The following WDR41 variants were observed in gnomAD, a reference collection of about 807,000 sequenced individuals.
WDR41 encodes WD repeat domain 41, also known as WD repeat-containing protein 41.
In WDR41, 63 loss-of-function variants were observed where a neutral mutation model predicts 69.3. The observed-to-expected ratio is 0.91, with a 90% CI of 0.74 to 1.12. The LOEUF (loss-of-function observed/expected upper bound fraction) is 1.12. Ranked by LOEUF, WDR41 falls within the 50% of genes most tolerant of loss-of-function variation. The pLI is 0.00. For missense variants in WDR41, 543 were observed against 534.5 expected, an observed-to-expected ratio of 1.02 and a Z score of -0.16; for synonymous variants, 185 against 192.1, an observed-to-expected ratio of 0.96 and a Z score of 0.31.
intron 1 of WDR41, among the ~76,000 whole-genome samples, chr5:77,509,496 A>T (rs1368653406): frequency 1.3e-5 from 2 of 152,260 alleles, no homozygotes; most frequent in East Asian, 3.8e-4. Context: ...TTGTATAACC[A>T]TACAGTAGAA....
chr5:77,538,482 T>A (rs1421337212), intron 1 of WDR41, among the ~76,000 whole-genome samples: 1 of 152,138 alleles, frequency 6.6e-6, no homozygotes, highest in East Asian at 1.9e-4. Context: ...TATTCCCCAG[T>A]GTCTATTGTT....
intron 1 of WDR41, among the ~76,000 whole-genome samples, chr5:77,520,565 C>T (rs919592226): frequency 1.3e-5 from 2 of 152,186 alleles, no homozygotes; most frequent in African/African-American, 4.8e-5. Context: ...ATGACCATCT[C>T]TATCACCAAA....
intron 1 of WDR41, chr5:77,582,671 G>A (rs1743960821): frequency 2.5e-6 from 4 of 1,601,006 alleles, no homozygotes; most frequent in Non-Finnish European, 3.4e-6. Flanking sequence ...AGAGGTATCA[G>A]TGCTGTGAGC....
intron 1 of WDR41, among the ~76,000 whole-genome samples, chr5:77,576,817 G>T (rs1009148008): frequency 1.3e-5 from 2 of 151,944 alleles, no homozygotes; most frequent in Non-Finnish European, 2.9e-5. Flanking sequence ...CCTGATTTTT[G>T]GTTAATAACG....
intron 1 of WDR41, among the ~76,000 whole-genome samples, chr5:77,586,315 TA>T (rs1475710229): frequency 1.3e-5 from 2 of 152,036 alleles, no homozygotes; most frequent in Non-Finnish European, 2.9e-5. Context: ...TTTATTTATT[TA>T]TTTATTTTGA....
At chr5:77,474,533 G>C (rs463655) in intron 2 of WDR41, among the ~76,000 whole-genome samples, 95,373 of 151,940 alleles carry the variant, frequency 0.63, 31,493 homozygotes, top group African/African-American at 0.83. Context: ...ACTTGTAAAG[G>C]AGTTGAAGGA....
chr5:77,489,578 A>AT lies in WDR41; in HGVS notation c.52-7dup, dbSNP rs375961615. The AT allele has an allele frequency of 9.7e-6, 12 of 1,237,608 alleles. No individual in the cohort carries two copies. The highest frequency in any genetic ancestry group is 1.3e-5 in the South Asian group (1 of 76,082). The allele number at this position is 1,237,608 out of a possible 1,614,324, so 76.7% of individuals were successfully genotyped here. On this transcript the variant is annotated splice_region_variant and splice_polypyrimidine_tract_variant and intron_variant, in intron 1 of 12. Transcript: ENST00000296679. ...ATTGTCTGTAAAGGAGATTTCTTGT[A>AT]TTGAAAAAAAAAAAAAAGCAAAAAA... is the stretch of plus-strand genomic sequence containing the variant.
chr5:77,615,738 A>G (rs1226785705), intron 1 of WDR41, among the ~76,000 whole-genome samples: 1 of 150,760 alleles, frequency 6.6e-6, no homozygotes, highest in Non-Finnish European at 1.5e-5. Context: ...GCCTCCTGTA[A>G]TCCCAGCACT....
rs1211690715 is a variant in WDR41 at position 77,431,555 on chromosome 5, C to T, written c.*1580G>A. 1 of 152,078 alleles carries T rather than the reference C, an allele frequency of 6.6e-6. No individual in the cohort carries two copies. Among genetic ancestry groups the T allele is most frequent in the Non-Finnish European group, 1.5e-5 (1 of 68,030 alleles). 9.4% of individuals were successfully genotyped at this position (152,078 alleles called of 1,614,324 possible). On this transcript the variant is annotated 3_prime_UTR_variant, in exon 13 of 13. Coordinates refer to ENST00000296679, the MANE Select transcript of WDR41 (RefSeq NM_018268.4). ...TCTCTGAGGTACGCCTGTATAATGA[C>T]CAGAAGGAATTTGCTGTGGTACTTA... is the stretch of plus-strand genomic sequence containing the variant.
At chr5:77,476,469 G>A (rs1269520826) in intron 2 of WDR41, among the ~76,000 whole-genome samples, 1 of 152,160 alleles carries the variant, frequency 6.6e-6, no homozygotes, top group Non-Finnish European at 1.5e-5. Flanking sequence ...ACTCACAGCG[G>A]ATCTCCTGGC....
intron 2 of WDR41, among the ~76,000 whole-genome samples, chr5:77,488,061 ATAGTGCTTTCC>A (rs1170377160): frequency 6.6e-6 from 1 of 152,176 alleles, no homozygotes; most frequent in Non-Finnish European, 1.5e-5. Context: ...AATCCTGTGT[ATAGTGCTTTCC>A]TCAGTTCTGT....
chr5:77,522,417 G>A (rs181454181), intron 1 of WDR41, among the ~76,000 whole-genome samples: 53 of 152,260 alleles, frequency 3.5e-4, no homozygotes, highest in African/African-American at 1.1e-3. Flanking sequence ...CAAGGCAGGC[G>A]GATCACAAGG....
At chr5:77,579,077 A>T (rs2112287198) in intron 1 of WDR41, among the ~76,000 whole-genome samples, 1 of 152,198 alleles carries the variant, frequency 6.6e-6, no homozygotes, top group African/African-American at 2.4e-5. Flanking sequence ...CTTGAAGGTA[A>T]ATCAACTGAG....
In WDR41 at chr5:77,453,929, C is replaced by A. The variant is rs1221951700; in HGVS notation, c.412-1G>T. On this transcript the variant is annotated splice_acceptor_variant, in intron 5 of 12. Transcript: ENST00000296679. LOFTEE classifies it high-confidence loss of function. ...CTAGTCTCTGAAGAACAGTTAAACA[C>A]TGCAAAATTTATTTGAAATGTATAT... 1 of 1,610,522 alleles carries A rather than the reference C, an allele frequency of 6.2e-7. No homozygotes were observed. Among genetic ancestry groups the A allele is most frequent in the Non-Finnish European group, 8.5e-7 (1 of 1,176,856 alleles).
chr5:77,436,704 A>G (rs1798948184), intron 11 of WDR41, among the ~76,000 whole-genome samples: 1 of 152,200 alleles, frequency 6.6e-6, no homozygotes, highest in Non-Finnish European at 1.5e-5. Context: ...TCAAGGGAAA[A>G]AAGGGCAAAA....
chr5:77,579,173 C>T (rs1407858096), intron 1 of WDR41, among the ~76,000 whole-genome samples: 1 of 151,762 alleles, frequency 6.6e-6, no homozygotes, highest in African/African-American at 2.4e-5. Context: ...CTAAGCTTGC[C>T]CAACATGTGT....
chr5:77,612,338 C>CA lies in WDR41; in HGVS notation c.42+8140dup, dbSNP rs570846587. ...ACCCAAAACCAGGCAGAGACACAACCAAAAAAGAGAATTTTAGACCAATAT... is the reference window on the plus strand; with the variant it reads ...ACCCAAAACCAGGCAGAGACACAACCAAAAAAAGAGAATTTTAGACCAATAT... On this transcript the variant is annotated intron_variant, in intron 1 of 5. Coordinates refer to the WDR41 transcript ENST00000509971. 4.8e-3 allele frequency among the ~76,000 whole-genome samples: 724 copies of CA among 151,986 alleles called. 10 individuals carry two copies. The highest frequency in any genetic ancestry group is 0.017 in the African/African-American group (692 of 41,446).
chr5:77,440,074 C>T (rs773772245), intron 9 of WDR41, among the ~76,000 whole-genome samples: 31 of 152,230 alleles, frequency 2.0e-4, no homozygotes, highest in South Asian at 4.2e-4. Context: ...CACTACATAA[C>T]ACTACTACTG....
rs1322746462 is a variant in WDR41 at position 77,489,322 on chromosome 5, T to C, written c.167+135A>G. On this transcript the variant is annotated intron_variant, in intron 2 of 12. Transcript: ENST00000296679. ...ATCGAGATGCAGAGGCCAATTTCAATTTCTACTAAATGTTACTAATGATCA... is the reference window on the plus strand; with the variant it reads ...ATCGAGATGCAGAGGCCAATTTCAACTTCTACTAAATGTTACTAATGATCA... 5 of 485,254 alleles carry C rather than the reference T, an allele frequency of 1.0e-5. No individual in the cohort carries two copies. The East Asian group carries it at 1.7e-4, about 17-fold the overall frequency. The allele number at this position is 485,254 out of a possible 1,614,324, so 30.1% of individuals were successfully genotyped here.
Sources: gnomAD v4.1 joint callset for allele counts (sites outside exome capture counted in the v4.1 genomes callset) on GRCh38, gnomAD v4.1.1 for gene constraint, MANE v1.5 for transcripts, NCBI Gene and HGNC (gene_info 2026-07-23, HGNC 2026-07-21) for gene names.